AGAP1: variants seen among roughly 807,000 people sequenced by gnomAD.
The protein encoded by AGAP1 is arf-GAP with GTPase, ANK repeat and PH domain-containing protein 1.
Under a neutral mutation model 105.3 loss-of-function variants are expected in AGAP1, and 29 were observed. The observed-to-expected ratio is 0.28, with a 90% CI of 0.21 to 0.38. AGAP1 has a LOEUF of 0.38. AGAP1 is among the 10% of genes least tolerant of loss of function. AGAP1 has a pLI of 1.00. For synonymous variants in AGAP1, 509 were observed against 485.9 expected (o/e 1.05, Z -0.63); for missense variants, 998 against 1,165.1 (o/e 0.86, Z 2.09).
At chr2:235,519,886 G>A (rs1018181918) in intron 1 of AGAP1, among the ~76,000 whole-genome samples, 2 of 152,072 alleles carry the variant, frequency 1.3e-5, no homozygotes, top group Non-Finnish European at 2.9e-5. Flanking sequence ...GGGTTCAAGC[G>A]ATTCTCCTGC....
At position 235,737,147 on chromosome 2, in the gene AGAP1, A is replaced by G. The variant is rs1481591947; in HGVS notation, c.311-3816A>G. 6.6e-6 allele frequency among the ~76,000 whole-genome samples: 1 copy of G among 152,202 alleles called. No homozygotes were observed. Among genetic ancestry groups the G allele is most frequent in the Non-Finnish European group, 1.5e-5 (1 of 68,034 alleles). On this transcript the variant is annotated intron_variant, in intron 3 of 17. Coordinates refer to ENST00000304032, the MANE Select transcript of AGAP1 (RefSeq NM_001037131.3). This position sits in a 1 kb window ranked among gnomAD's most constrained non-coding sequence, Gnocchi z 4.5. Reference sequence around the variant, plus strand: ...GGACCTTTTGAAAATCTCCCCAGTAAAGACATTCTTGCTTTCATACAACCT... The same window carrying G: ...GGACCTTTTGAAAATCTCCCCAGTAGAGACATTCTTGCTTTCATACAACCT...
At chr2:235,565,071 G>A (rs2149145494) in intron 1 of AGAP1, among the ~76,000 whole-genome samples, 1 of 148,488 alleles carries the variant, frequency 6.7e-6, no homozygotes, top group East Asian at 2.0e-4. Context: ...GTGTGAGCCT[G>A]GACCACCACC....
At chr2:235,730,173 G>A (rs1293675817) in intron 3 of AGAP1, among the ~76,000 whole-genome samples, 1 of 152,100 alleles carries the variant, frequency 6.6e-6, no homozygotes, top group Non-Finnish European at 1.5e-5. Context: ...GAGAGTTCAT[G>A]TAAAGCCGAT....
chr2:235,811,739 C>T (rs1958151741), intron 9 of AGAP1, among the ~76,000 whole-genome samples: 1 of 152,202 alleles, frequency 6.6e-6, no homozygotes, highest in Non-Finnish European at 1.5e-5. Flanking sequence ...CGCCCCCGGC[C>T]CGGCCCAGCT....
intron 6 of AGAP1, among the ~76,000 whole-genome samples, chr2:235,761,276 C>T (rs549294959): frequency 6.6e-6 from 1 of 152,284 alleles, no homozygotes; most frequent in East Asian, 1.9e-4. Context: ...TCCTGCTGTG[C>T]TTCTCTTACT....
chr2:236,082,351 A>AC lies in AGAP1; in HGVS notation c.2114+33075dup, dbSNP rs2058807832. Among the ~76,000 whole-genome samples the AC allele has an allele frequency of 2.0e-5, 3 of 151,948 alleles. No homozygotes were observed. Among genetic ancestry groups the AC allele is most frequent in the Admixed American group, 2.0e-4 (3 of 15,248 alleles). On this transcript the variant is annotated intron_variant, in intron 16 of 17. Transcript: ENST00000304032. The surrounding 1 kb of genome is among the most constrained non-coding windows in gnomAD (Gnocchi z 4.2). ...CCTCTGCCAGCTAATTTAATTAATC[A>AC]CCCCCAGCTCAGCTCTTCCAGCTGC...
rs1326621051 is a variant in AGAP1 at position 235,692,513 on chromosome 2, TC to T, written c.164-16664del. Among the ~76,000 whole-genome samples, 2 of 151,990 alleles carry T rather than the reference TC, an allele frequency of 1.3e-5. No individual in the cohort carries two copies. Among genetic ancestry groups the T allele is most frequent in the Non-Finnish European group, 1.5e-5 (1 of 67,984 alleles). ...TTAGAATGAAACCCAAACTCTGCAC[TC>T]CAGCCCCAGCATCAAACCATACTTC... On this transcript the variant is annotated intron_variant, in intron 1 of 17. Transcript: ENST00000304032. This position sits in a 1 kb window ranked among gnomAD's most constrained non-coding sequence, Gnocchi z 5.8.
At chr2:235,671,833 T>G (rs1025431550) in intron 1 of AGAP1, among the ~76,000 whole-genome samples, 1 of 152,318 alleles carries the variant, frequency 6.6e-6, no homozygotes, top group Middle Eastern at 3.4e-3. Flanking sequence ...CAGCCAGATA[T>G]GTTATTCTCT....
At position 235,588,321 on chromosome 2, in the gene AGAP1, T is replaced by C. The variant is rs565468455; in HGVS notation, c.163+93472T>C. ...CAGGGAAGTTAGTTCTCAGGATCCATTGGGGATAAAATACCAGAACAAAGG... is the reference window on the plus strand; with the variant it reads ...CAGGGAAGTTAGTTCTCAGGATCCACTGGGGATAAAATACCAGAACAAAGG... On this transcript the variant is annotated intron_variant, in intron 1 of 17. Coordinates refer to ENST00000304032, the MANE Select transcript of AGAP1 (RefSeq NM_001037131.3). Among the ~76,000 whole-genome samples, 7 of 152,172 alleles carry C rather than the reference T, an allele frequency of 4.6e-5. No homozygotes were observed. In the South Asian group the frequency reaches 1.0e-3, roughly 23 times the overall value.
At chr2:235,709,071 T>G (rs983769240) in intron 1 of AGAP1, 108 bp from the exon 2 acceptor site, 6 of 1,104,150 alleles carry the variant, frequency 5.4e-6, no homozygotes, top group African/African-American at 4.6e-5. Flanking sequence ...GAGGCTTGTC[T>G]GCACCATCTT....
chr2:236,124,179 C>A lies in AGAP1; in HGVS notation c.*57C>A. On this transcript the variant is annotated 3_prime_UTR_variant, in exon 18 of 18. Transcript: ENST00000304032. The surrounding 1 kb of genome is among the most constrained non-coding windows in gnomAD (Gnocchi z 5.1). ...TGGGACGCGGCAGCCTCGCCGCATT[C>A]TCGCTCAGAAGTCGCAGCACGTGAG... 7 of 1,583,122 alleles carry A rather than the reference C, an allele frequency of 4.4e-6. No individual in the cohort carries two copies. The highest frequency in any genetic ancestry group is 6.0e-6 in the Non-Finnish European group (7 of 1,159,306).
rs1215329930 is a variant in AGAP1 at position 235,615,718 on chromosome 2, T to G, written c.164-93461T>G. 6.6e-6 allele frequency among the ~76,000 whole-genome samples: 1 copy of G among 152,192 alleles called. No homozygotes were observed. The highest frequency in any genetic ancestry group is 2.4e-5 in the African/African-American group (1 of 41,450). On this transcript the variant is annotated intron_variant, in intron 1 of 17. Transcript: ENST00000304032. The surrounding 1 kb of genome is among the most constrained non-coding windows in gnomAD (Gnocchi z 5.0). ...TTTTTCTCTTTATGCTCATAGCCAT[T>G]CCAAAGACAGAATCCTTTCCTCAAA...
intron 9 of AGAP1, among the ~76,000 whole-genome samples, chr2:235,823,565 T>G (rs888283159): frequency 6.6e-6 from 1 of 152,220 alleles, no homozygotes; most frequent in African/African-American, 2.4e-5. Context: ...GTAAAGAGCT[T>G]GCTCAAGGTC....
rs1356266107 is a variant in AGAP1, at chr2:236,040,595, T to C, written c.1801-156T>C. The C allele has an allele frequency of 1.4e-5, 3 of 220,406 alleles. No homozygotes were observed. The highest frequency in any genetic ancestry group is 2.6e-5 in the African/African-American group (1 of 39,046). 13.7% of individuals were successfully genotyped at this position (220,406 alleles called of 1,614,324 possible). On this transcript the variant is annotated intron_variant, in intron 14 of 17. Coordinates refer to ENST00000304032, the MANE Select transcript of AGAP1 (RefSeq NM_001037131.3). This position sits in a 1 kb window ranked among gnomAD's most constrained non-coding sequence, Gnocchi z 5.6. ...ATGATGATTTCTTCTTCAGTTATGC[T>C]CTTTCCCAAAGACATCAAAACAAGA...
chr2:235,748,272 G>A lies in AGAP1; in HGVS notation c.539-2082G>A, dbSNP rs774001791. Among the ~76,000 whole-genome samples, 5 of 152,216 alleles carry A rather than the reference G, an allele frequency of 3.3e-5. 1 individual carries two copies. The highest frequency in any genetic ancestry group is 7.2e-5 in the African/African-American group (3 of 41,462). On this transcript the variant is annotated intron_variant, in intron 5 of 17. Transcript: ENST00000304032. ...ACCAAGCGAGCATGCCGCTGAGGAC[G>A]GAGGGGCTGCGGGATTGCTCGGCCG...
At chr2:235,508,338 A>T (rs1941923275) in intron 1 of AGAP1, among the ~76,000 whole-genome samples, 1 of 152,206 alleles carries the variant, frequency 6.6e-6, no homozygotes, top group South Asian at 2.1e-4. Flanking sequence ...TTGATGTTTT[A>T]GTAAAGTAGA....
chr2:236,032,361 T>TA, intron 13 of AGAP1, among the ~76,000 whole-genome samples: 1 of 152,332 alleles, frequency 6.6e-6, no homozygotes, highest in African/African-American at 2.4e-5. Context: ...TTCACCCTGA[T>TA]AAAAGCCTTG....
Position 235,559,331 on chromosome 2 carries a change from A to G in AGAP1, c.163+64482A>G, listed in dbSNP as rs1297373588. 6.6e-6 allele frequency among the ~76,000 whole-genome samples: 1 copy of G among 152,132 alleles called. No individual in the cohort carries two copies. The highest frequency in any genetic ancestry group is 2.4e-5 in the African/African-American group (1 of 41,424). On this transcript the variant is annotated intron_variant, in intron 1 of 17. Coordinates refer to ENST00000304032, the MANE Select transcript of AGAP1 (RefSeq NM_001037131.3). This position sits in a 1 kb window ranked among gnomAD's most constrained non-coding sequence, Gnocchi z 5.7. ...GTTTGGAAGGTTGTTCTGACAAGCA[A>G]GTGCTGATGTTTTGTACTTGATCGG...
intron 12 of AGAP1, among the ~76,000 whole-genome samples, chr2:235,956,173 T>A (rs1177479874): frequency 1.3e-5 from 2 of 152,162 alleles, no homozygotes; most frequent in Non-Finnish European, 2.9e-5. Context: ...TGGCTGATTA[T>A]GTAAAAAGGG....
Sources: allele counts gnomAD v4.1 joint callset (sites outside exome capture counted in the v4.1 genomes callset), GRCh38; gene constraint gnomAD v4.1.1; non-coding constraint Gnocchi (gnomAD v3.1); transcripts MANE v1.5; gene names NCBI Gene and HGNC (gene_info 2026-07-23, HGNC 2026-07-21).